The following SIM1 variants were observed in gnomAD, a reference collection of about 807,000 sequenced individuals.
SIM1 encodes SIM bHLH transcription factor 1.
SIM1 carries 18 observed loss-of-function variants against 78.2 expected under a neutral mutation model. That is an observed-to-expected ratio of 0.23 (90% CI 0.16 to 0.34). SIM1 has a LOEUF of 0.34. Ranked by LOEUF, SIM1 falls within the 10% of genes least tolerant of loss-of-function variation. The pLI is 1.00. For synonymous variants in SIM1, 417 were observed against 385.2 expected, an observed-to-expected ratio of 1.08 and a Z score of -0.97; for missense variants, 939 against 975.1, an observed-to-expected ratio of 0.96 and a Z score of 0.49.
At chr6:100,450,592 G>T (rs532494877) in intron 3 of SIM1, among the ~76,000 whole-genome samples, 1 of 151,988 alleles carries the variant, frequency 6.6e-6, no homozygotes, top group Non-Finnish European at 1.5e-5. Context: ...TGGTGGACAA[G>T]GCTAGTGCCC....
At chr6:100,402,491 C>T (rs940005791) in intron 10 of SIM1, among the ~76,000 whole-genome samples, 4 of 149,396 alleles carry the variant, frequency 2.7e-5, no homozygotes, top group Non-Finnish European at 4.4e-5. Flanking sequence ...GAATCATGGT[C>T]AATTAGGTTT....
chr6:100,438,721 C>T (rs1380811957), intron 9 of SIM1, among the ~76,000 whole-genome samples: 1 of 152,210 alleles, frequency 6.6e-6, no homozygotes, highest in Non-Finnish European at 1.5e-5. Context: ...AAGTGCCCAT[C>T]AACCAATGAG....
At position 100,442,389 on chromosome 6, in the gene SIM1, T is replaced by G. The variant is rs567028140; in HGVS notation, c.998+4879A>C. Among the ~76,000 whole-genome samples the G allele has an allele frequency of 2.8e-4, 42 of 152,316 alleles. 1 individual carries two copies. Among genetic ancestry groups the G allele is most frequent in the Admixed American group, 2.5e-3 (38 of 15,294 alleles). Reference sequence around the variant, plus strand: ...TAAAATTAGTATTAATACAAATATATCTTCAATTTGTTTTTATAATCATTA... The same window carrying G: ...TAAAATTAGTATTAATACAAATATAGCTTCAATTTGTTTTTATAATCATTA... On this transcript the variant is annotated intron_variant, in intron 9 of 11. Transcript: ENST00000369208.
At position 100,390,233 on chromosome 6, in the gene SIM1, G is replaced by C. The variant is rs1029968837; in HGVS notation, c.*128C>G. Reference sequence around the variant, plus strand: ...GTTTTCTTTGATTTTATAGGAACACGTATCAAATACCCAGTAACTTAAGTT... The same window carrying C: ...GTTTTCTTTGATTTTATAGGAACACCTATCAAATACCCAGTAACTTAAGTT... On this transcript the variant is annotated 3_prime_UTR_variant, in exon 12 of 12. Coordinates refer to ENST00000369208, the MANE Select transcript of SIM1 (RefSeq NM_005068.3). The C allele has an allele frequency of 3.0e-6, 3 of 1,001,984 alleles. No homozygotes were observed. The African/African-American group carries it at 4.9e-5, about 16-fold the overall frequency. The allele number at this position is 1,001,984 out of a possible 1,614,324, so 62.1% of individuals were successfully genotyped here.
In SIM1 at chr6:100,386,528, T is replaced by C. The variant is rs921661585; in HGVS notation, c.*3833A>G. 2 of 152,030 alleles carry C rather than the reference T, an allele frequency of 1.3e-5. No individual in the cohort carries two copies. Among genetic ancestry groups the C allele is most frequent in the African/African-American group, 2.4e-5 (1 of 41,422 alleles). The allele number at this position is 152,030 out of a possible 1,614,324, so 9.4% of individuals were successfully genotyped here. Reference sequence around the variant, plus strand: ...CTTGTATTTCATTTTAAAATATATATGCATATTTTCCAAATGGTCTTGTAC... The same window carrying C: ...CTTGTATTTCATTTTAAAATATATACGCATATTTTCCAAATGGTCTTGTAC... On this transcript the variant is annotated 3_prime_UTR_variant, in exon 12 of 12. Transcript: ENST00000369208.
chr6:100,436,763 G>A (rs1168389793), intron 9 of SIM1, among the ~76,000 whole-genome samples: 1 of 132,224 alleles, frequency 7.6e-6, no homozygotes, highest in African/African-American at 2.8e-5. Context: ...TTTTTGAGAT[G>A]GCCTCTTGCT....
rs1001800842 is a variant in SIM1, at chr6:100,463,376, C to T, written c.93G>A (p.Ser31=). Residue 31 remains serine (S), a synonymous_variant, in exon 2 of 12, where the codon TCG becomes TCA. Coordinates refer to ENST00000369208, the MANE Select transcript of SIM1 (RefSeq NM_005068.3). ...YELAKLLPLP[S]AITSQLDKAS... ...CTTTGTCCAGCTGCGAGGTGATAGCCGAGGGCAAAGGCAGTAATTTAGCCA... is the reference window on the plus strand; with the variant it reads ...CTTTGTCCAGCTGCGAGGTGATAGCTGAGGGCAAAGGCAGTAATTTAGCCA... 3 of 1,614,002 alleles carry T rather than the reference C, an allele frequency of 1.9e-6. No individual in the cohort carries two copies. Among genetic ancestry groups the T allele is most frequent in the Non-Finnish European group, 2.5e-6 (3 of 1,179,962 alleles).
chr6:100,425,906 A>T (rs1231159999), intron 9 of SIM1, among the ~76,000 whole-genome samples: 6 of 152,184 alleles, frequency 3.9e-5, no homozygotes, highest in Non-Finnish European at 8.8e-5. Flanking sequence ...GTGGTAAAAA[A>T]TTTGACTTCT....
Position 100,416,049 on chromosome 6 carries a change from C to A in SIM1, c.1167+4741G>T, listed in dbSNP as rs559372531. 2.6e-5 allele frequency among the ~76,000 whole-genome samples: 4 copies of A among 152,268 alleles called. No individual in the cohort carries two copies. The East Asian group carries it at 7.7e-4, about 29-fold the overall frequency. ...GGGAGCAGACATACAACTCTCCCTC[C>A]CAGATAAGCACAACAAAGAGACACA... On this transcript the variant is annotated intron_variant, in intron 10 of 11. Transcript: ENST00000369208.
At chr6:100,416,868 T>A (rs1261241323) in intron 10 of SIM1, among the ~76,000 whole-genome samples, 1 of 152,162 alleles carries the variant, frequency 6.6e-6, no homozygotes, top group Non-Finnish European at 1.5e-5. Context: ...GAACTTCAGT[T>A]TAGATCTTCA....
At chr6:100,437,002 C>G (rs1307895343) in intron 9 of SIM1, among the ~76,000 whole-genome samples, 1 of 152,050 alleles carries the variant, frequency 6.6e-6, no homozygotes, top group Non-Finnish European at 1.5e-5. Flanking sequence ...TCTCAAAGTG[C>G]TGGGATGACA....
chr6:100,393,202 C>T lies in SIM1; in HGVS notation c.1570+285G>A, dbSNP rs1325679270. Among the ~76,000 whole-genome samples, 4 of 152,202 alleles carry T rather than the reference C, an allele frequency of 2.6e-5. No individual in the cohort carries two copies. The East Asian group carries it at 5.8e-4, about 22-fold the overall frequency. ...AAATAATGTATGAGGAATGTAAATGCGTACACACTACAAATTCAATAGACA... is the reference window on the plus strand; with the variant it reads ...AAATAATGTATGAGGAATGTAAATGTGTACACACTACAAATTCAATAGACA... On this transcript the variant is annotated intron_variant, in intron 11 of 11. Transcript: ENST00000369208.
intron 8 of SIM1, among the ~76,000 whole-genome samples, chr6:100,447,901 C>T (rs1315226073): frequency 1.3e-5 from 2 of 152,230 alleles, no homozygotes; most frequent in Non-Finnish European, 2.9e-5. Context: ...ATACCTTCGC[C>T]GGGGGCGGGG....
At chr6:100,419,911 G>A (rs1771521931) in intron 10 of SIM1, among the ~76,000 whole-genome samples, 2 of 152,180 alleles carry the variant, frequency 1.3e-5, no homozygotes, top group Admixed American at 1.3e-4. Context: ...AAAGTGCTGG[G>A]ATTACAGGCA....
At chr6:100,460,450 C>T (rs902771860) in intron 2 of SIM1, among the ~76,000 whole-genome samples, 21 of 152,250 alleles carry the variant, frequency 1.4e-4, no homozygotes, top group African/African-American at 4.3e-4. Flanking sequence ...ATACCTATAG[C>T]TATGTCACCA....
At chr6:100,393,368 G>A (rs1398632368) in intron 11 of SIM1, 119 bp downstream of exon 11, 5 of 913,420 alleles carry the variant, frequency 5.5e-6, no homozygotes, top group Non-Finnish European at 7.5e-6. Context: ...TAATCCCATT[G>A]GTTCTGATTT....
chr6:100,439,798 C>G (rs2114529336), intron 9 of SIM1, among the ~76,000 whole-genome samples: 1 of 152,280 alleles, frequency 6.6e-6, no homozygotes, highest in South Asian at 2.1e-4. Context: ...CTATGTAAAA[C>G]ACCTTCCACA....
chr6:100,436,323 T>C (rs1323572196), intron 9 of SIM1, among the ~76,000 whole-genome samples: 1 of 152,220 alleles, frequency 6.6e-6, no homozygotes, highest in Non-Finnish European at 1.5e-5. Context: ...GCACAGTGCT[T>C]GGCACATAAT....
chr6:100,400,907 GA>G (rs2114474330), intron 10 of SIM1, among the ~76,000 whole-genome samples: 1 of 152,136 alleles, frequency 6.6e-6, no homozygotes, highest in African/African-American at 2.4e-5. Flanking sequence ...AAATCTCGGG[GA>G]AAAACTGTTG....
Sources: allele counts gnomAD v4.1 joint callset (sites outside exome capture counted in the v4.1 genomes callset), GRCh38; gene constraint gnomAD v4.1.1; transcripts MANE v1.5; gene names NCBI Gene and HGNC (gene_info 2026-07-23, HGNC 2026-07-21).